Variants in CNBD1 observed in about 807,000 individuals in gnomAD.
CNBD1 encodes the protein cyclic nucleotide binding domain containing 1, also known as cyclic nucleotide-binding domain-containing protein 1.
In CNBD1, 71 loss-of-function variants were observed where a neutral mutation model predicts 54.4. The observed-to-expected ratio is 1.30, with a 90% CI of 1.08 to 1.59. The LOEUF (loss-of-function observed/expected upper bound fraction) is 1.59, where lower values mean the gene tolerates loss of function less well. Ranked by LOEUF, CNBD1 falls within the 40% of genes most tolerant of loss-of-function variation. CNBD1 has a pLI of 0.00. For synonymous variants in CNBD1, 182 were observed against 170.7 expected (o/e 1.07, Z -0.51); for missense variants, 659 against 518.0 (o/e 1.27, Z -2.64).
At chr8:87,363,210 T>G (rs1810558653) in intron 10 of CNBD1, among the ~76,000 whole-genome samples, 1 of 152,178 alleles carries the variant, frequency 6.6e-6, no homozygotes, top group Non-Finnish European at 1.5e-5. Context: ...CCACATAGTA[T>G]TCCATGGTGT....
At chr8:87,369,833 G>C (rs923187348) in intron 10 of CNBD1, among the ~76,000 whole-genome samples, 19 of 151,876 alleles carry the variant, frequency 1.3e-4, no homozygotes, top group Non-Finnish European at 2.6e-4. Context: ...CCATTAACTA[G>C]TCATTTAGCA....
chr8:87,224,977 T>C (rs924649684), intron 5 of CNBD1, among the ~76,000 whole-genome samples: 10 of 152,320 alleles, frequency 6.6e-5, no homozygotes, highest in African/African-American at 2.2e-4. Context: ...TAAGTTGGAT[T>C]CCTGGGTATT....
intron 4 of CNBD1, among the ~76,000 whole-genome samples, chr8:87,055,435 C>T (rs1364009882): frequency 6.6e-6 from 1 of 152,004 alleles, no homozygotes; most frequent in Non-Finnish European, 1.5e-5. Flanking sequence ...TAGGTAAGTC[C>T]CCCCCTTCCC....
chr8:86,969,840 C>T (rs977407818), intron 4 of CNBD1, among the ~76,000 whole-genome samples: 8 of 149,904 alleles, frequency 5.3e-5, no homozygotes, highest in Admixed American at 2.7e-4. Context: ...AGTGTGTGTG[C>T]GTGCATGTGT....
chr8:87,150,310 C>T (rs1326404761), intron 4 of CNBD1, among the ~76,000 whole-genome samples: 1 of 152,082 alleles, frequency 6.6e-6, no homozygotes, highest in African/African-American at 2.4e-5. Flanking sequence ...AAAAAATGAC[C>T]GTACAATAGA....
Position 86,967,602 on chromosome 8 carries a change from T to C in CNBD1, c.431+27848T>C, listed in dbSNP as rs1288082734. Among the ~76,000 whole-genome samples the C allele has an allele frequency of 2.0e-5, 3 of 152,262 alleles. No individual in the cohort carries two copies. In the East Asian group the frequency reaches 5.8e-4, roughly 29 times the overall value. The stretch of plus-strand genomic sequence containing the variant: ...TAATGAGACCATCAAAAGCATTCTT[T>C]CTTTTACAGTGTTTATTTCTAACAT... On this transcript the variant is annotated intron_variant, in intron 4 of 10. Coordinates refer to ENST00000518476, the MANE Select transcript of CNBD1 (RefSeq NM_173538.3).
chr8:86,986,582 T>C (rs1237118702), intron 4 of CNBD1, among the ~76,000 whole-genome samples: 1 of 152,238 alleles, frequency 6.6e-6, no homozygotes, highest in African/African-American at 2.4e-5. Flanking sequence ...CAAAAACTCT[T>C]TGCCAAAGCT....
At chr8:86,916,346 G>A (rs1000633098) in intron 3 of CNBD1, among the ~76,000 whole-genome samples, 1 of 152,140 alleles carries the variant, frequency 6.6e-6, no homozygotes, top group African/African-American at 2.4e-5. Flanking sequence ...TTTGACTTGG[G>A]GTTTTATACG....
chr8:87,146,025 G>C (rs1563486378), intron 4 of CNBD1, among the ~76,000 whole-genome samples: 1 of 151,948 alleles, frequency 6.6e-6, no homozygotes, highest in Non-Finnish European at 1.5e-5. Context: ...TTCCTTCTTT[G>C]ACTCTGCATT....
At chr8:86,942,486 T>C (rs1807347705) in intron 4 of CNBD1, among the ~76,000 whole-genome samples, 1 of 152,210 alleles carries the variant, frequency 6.6e-6, no homozygotes, top group Non-Finnish European at 1.5e-5. Flanking sequence ...CTTGTGGTTG[T>C]AGGACTGACA....
chr8:87,285,660 C>A (rs527728659), intron 7 of CNBD1, among the ~76,000 whole-genome samples: 5 of 151,918 alleles, frequency 3.3e-5, no homozygotes, highest in Non-Finnish European at 5.9e-5. Flanking sequence ...CAGCTGAGGT[C>A]GAGAGTTCGA....
Position 86,974,015 on chromosome 8 carries a change from T to G in CNBD1, c.431+34261T>G, listed in dbSNP as rs116888107. Among the ~76,000 whole-genome samples, 1,160 of 152,140 alleles carry G rather than the reference T, an allele frequency of 7.6e-3. 7 individuals carry two copies. The highest frequency in any genetic ancestry group is 0.012 in the Admixed American group (187 of 15,274). ...TAAAAATTTAATCTTCTAGGAGGATTTTTTTTACAATGGAAAATATACCCC... is the reference window on the plus strand; with the variant it reads ...TAAAAATTTAATCTTCTAGGAGGATGTTTTTTACAATGGAAAATATACCCC... On this transcript the variant is annotated intron_variant, in intron 4 of 10. Coordinates refer to ENST00000518476, the MANE Select transcript of CNBD1 (RefSeq NM_173538.3).
chr8:86,934,540 G>A (rs184231198), intron 3 of CNBD1, among the ~76,000 whole-genome samples: 135 of 152,246 alleles, frequency 8.9e-4, no homozygotes, highest in Middle Eastern at 6.8e-3. Flanking sequence ...ATCAATTAAA[G>A]CAATATCCAT....
intron 10 of CNBD1, among the ~76,000 whole-genome samples, chr8:87,357,965 G>C (rs1052310709): frequency 2.6e-5 from 4 of 152,230 alleles, no homozygotes; most frequent in South Asian, 2.1e-4. Context: ...GTTCACATGA[G>C]AGCTGGTTGT....
At chr8:87,388,014 A>G (rs1255453056) in intron 2 of CNBD1, among the ~76,000 whole-genome samples, 1 of 152,232 alleles carries the variant, frequency 6.6e-6, no homozygotes, top group African/African-American at 2.4e-5. Flanking sequence ...TACTGGGTAC[A>G]TAACGAAATG....
At position 87,292,456 on chromosome 8, in the gene CNBD1, C is replaced by T. The variant is rs112086880; in HGVS notation, c.1042+5785C>T. Among the ~76,000 whole-genome samples, 10 of 152,072 alleles carry T rather than the reference C, an allele frequency of 6.6e-5. No individual in the cohort carries two copies. The East Asian group carries it at 7.7e-4, about 12-fold the overall frequency. On this transcript the variant is annotated intron_variant, in intron 8 of 10. Transcript: ENST00000518476. Reference sequence around the variant, plus strand: ...TCATGTTTAATTCTCAGTATGCATGCGGCAAGCTTTCTACTACATGGGGTG... The same window carrying T: ...TCATGTTTAATTCTCAGTATGCATGTGGCAAGCTTTCTACTACATGGGGTG...
At chr8:87,372,203 CAG>C (rs1810825214) in intron 10 of CNBD1, among the ~76,000 whole-genome samples, 1 of 151,728 alleles carries the variant, frequency 6.6e-6, no homozygotes, top group African/African-American at 2.4e-5. Context: ...AACAGACAAA[CAG>C]AGAGCCAAAT....
At chr8:86,944,429 C>T (rs1428749194) in intron 4 of CNBD1, among the ~76,000 whole-genome samples, 1 of 151,924 alleles carries the variant, frequency 6.6e-6, no homozygotes, top group Admixed American at 6.6e-5. Flanking sequence ...AAAGCTAATG[C>T]AGAATAAGGG....
intron 2 of CNBD1, among the ~76,000 whole-genome samples, chr8:87,425,297 A>G (rs1002748834): frequency 4.6e-5 from 7 of 152,048 alleles, no homozygotes; most frequent in Admixed American, 6.6e-5. Context: ...TAATTTGATC[A>G]TCTGAAGCCT....
Sources: gnomAD v4.1 joint callset for allele counts (sites outside exome capture counted in the v4.1 genomes callset) on GRCh38, gnomAD v4.1.1 for gene constraint, MANE v1.5 for transcripts, NCBI Gene and HGNC (gene_info 2026-07-23, HGNC 2026-07-21) for gene names.